The following POLH variants were observed in gnomAD, a reference collection of about 807,000 sequenced individuals.
POLH encodes DNA polymerase eta transcript.
Under a neutral mutation model 73.6 loss-of-function variants are expected in POLH, and 53 were observed. That is an observed-to-expected ratio of 0.72 (90% CI 0.58 to 0.91). POLH has a LOEUF of 0.91. POLH is among the 40% of genes least tolerant of loss of function. POLH has a pLI of 0.00. For missense variants in POLH, 768 were observed against 865.4 expected, an observed-to-expected ratio of 0.89 and a Z score of 1.41; for synonymous variants, 292 against 308.5, an observed-to-expected ratio of 0.95 and a Z score of 0.56.
rs1768569653 is a variant in POLH, at chr6:43,619,438, A to G, written c.*4881A>G. On this transcript the variant is annotated 3_prime_UTR_variant, in exon 11 of 11. Coordinates refer to ENST00000372236, the MANE Select transcript of POLH (RefSeq NM_006502.3). ...CGTGGCCTTTTCCCCCTAACTAGCT[A>G]TGTAGCTTCTTAAAGGCAAAGATTC... Among the ~76,000 whole-genome samples, 1 of 149,964 alleles carries G rather than the reference A, an allele frequency of 6.7e-6. No individual in the cohort carries two copies. The highest frequency in any genetic ancestry group is 1.5e-5 in the Non-Finnish European group (1 of 67,706).
chr6:43,608,249 T>G (rs1440671653), intron 9 of POLH, among the ~76,000 whole-genome samples: 2 of 152,238 alleles, frequency 1.3e-5, no homozygotes, highest in African/African-American at 4.8e-5. Flanking sequence ...TTTCTCCCAT[T>G]CTGTGGGTTT....
chr6:43,613,686 T>C lies in POLH; in HGVS notation c.1271T>C (p.Leu424Pro), dbSNP rs770722473. Residue 424 changes from leucine to proline, a missense_variant, in exon 11 of 11, where the codon CTC becomes CCC. Coordinates refer to ENST00000372236, the MANE Select transcript of POLH (RefSeq NM_006502.3). The part of the protein sequence containing the change: ...EWSPPLTMLF[L>P]CATKFSASAP... Reference sequence around the variant, plus strand: ...TCTCCTCCTCTCACAATGCTTTTCCTCTGTGCTACAAAATTTTCTGCCTCT... The same window carrying C: ...TCTCCTCCTCTCACAATGCTTTTCCCCTGTGCTACAAAATTTTCTGCCTCT... The C allele has an allele frequency of 6.2e-7, 1 of 1,613,906 alleles. No individual in the cohort carries two copies. Among genetic ancestry groups the C allele is most frequent in the African/African-American group, 1.3e-5 (1 of 74,932 alleles).
intron 6 of POLH, among the ~76,000 whole-genome samples, chr6:43,602,995 C>T (rs1205072367): frequency 4.4e-5 from 5 of 114,028 alleles, no homozygotes; most frequent in African/African-American, 1.6e-4. Flanking sequence ...TTATGTATTC[C>T]TTTTTTTTTT....
rs766019609 is a variant in POLH at position 43,587,419 on chromosome 6, C to T, written c.420C>T (p.Asp140=). 6.2e-7 allele frequency: 1 copy of T among 1,614,226 alleles called. No individual in the cohort carries two copies. Among genetic ancestry groups the T allele is most frequent in the South Asian group, 1.1e-5 (1 of 91,086 alleles). ...TACAAGGTCAGCCTATCTCGGCAGA[C>T]TTGTTGCCAAGCACTTACATTGAAG... ...QKLQGQPISA[D]LLPSTYIEGL... is the part of the protein sequence containing the mutation. Residue 140 remains aspartate (D), a synonymous_variant, in exon 4 of 11, where the codon GAC becomes GAT. Transcript: ENST00000372236.
In POLH at chr6:43,613,695, CA is replaced by C. The variant is rs1561914719; in HGVS notation, c.1284del (p.Lys428AsnfsTer17). Reference sequence around the variant, plus strand: ...CTCACAATGCTTTTCCTCTGTGCTACAAAATTTTCTGCCTCTGCCCCTTCAT... The same window carrying C: ...CTCACAATGCTTTTCCTCTGTGCTACAAATTTTCTGCCTCTGCCCCTTCAT... ...PPLTMLFLCA[T>X]KFSASAPSSS... On this transcript the variant is annotated frameshift_variant, in exon 11 of 11. Coordinates refer to ENST00000372236, the MANE Select transcript of POLH (RefSeq NM_006502.3). LOFTEE classifies it high-confidence loss of function. 1 of 1,614,006 alleles carries C rather than the reference CA, an allele frequency of 6.2e-7. No homozygotes were observed. Among genetic ancestry groups the C allele is most frequent in the Non-Finnish European group, 8.5e-7 (1 of 1,179,978 alleles).
At chr6:43,600,804 G>A (rs1766655951) in intron 5 of POLH, among the ~76,000 whole-genome samples, 184 bp from the exon 6 acceptor site, 1 of 152,182 alleles carries the variant, frequency 6.6e-6, no homozygotes, top group Non-Finnish European at 1.5e-5. Flanking sequence ...TTTCCCACTG[G>A]GGATGTTGTG....
At chr6:43,580,478 A>ATTG in intron 1 of POLH, among the ~76,000 whole-genome samples, 1 of 147,992 alleles carries the variant, frequency 6.8e-6, no homozygotes, top group African/African-American at 2.5e-5. Context: ...ACTTCCCAGT[A>ATTG]GGGGCGGCCG....
chr6:43,598,460 C>T (rs985145200), intron 5 of POLH, among the ~76,000 whole-genome samples: 3 of 150,648 alleles, frequency 2.0e-5, no homozygotes, highest in Admixed American at 1.3e-4. Context: ...AACACCATCT[C>T]TACTAAAAAT....
intron 4 of POLH, among the ~76,000 whole-genome samples, chr6:43,587,868 A>T (rs1415775038): frequency 6.6e-6 from 1 of 152,142 alleles, no homozygotes; most frequent in Non-Finnish European, 1.5e-5. Context: ...CTCTACTAAA[A>T]ATACAAAAAT....
Position 43,580,891 on chromosome 6 carries a change from G to T in POLH, c.-4-1425G>T, listed in dbSNP as rs1315405076. ...GACGGGGCGGCTGGCCGGGCGGAGG[G>T]CTGACCCCCCCACCTCCCTCCCGGA... On this transcript the variant is annotated intron_variant, in intron 1 of 10. Coordinates refer to ENST00000372236, the MANE Select transcript of POLH (RefSeq NM_006502.3). 4.6e-5 allele frequency among the ~76,000 whole-genome samples: 7 copies of T among 150,816 alleles called. No individual in the cohort carries two copies. The East Asian group carries it at 1.4e-3, about 30-fold the overall frequency.
At chr6:43,587,902 C>G (rs556985905) in intron 4 of POLH, among the ~76,000 whole-genome samples, 83 of 152,176 alleles carry the variant, frequency 5.5e-4, no homozygotes, top group Non-Finnish European at 1.0e-3. Context: ...TGGCGCGTGC[C>G]TGTAATCCCA....
At chr6:43,605,155 A>G in intron 8 of POLH, 99 bp from the exon 9 acceptor site, 1 of 759,028 alleles carries the variant, frequency 1.3e-6, no homozygotes. Flanking sequence ...TTTGGTGCAC[A>G]ATTCTGTTTG....
intron 10 of POLH, among the ~76,000 whole-genome samples, chr6:43,612,410 A>G (rs141787754): frequency 0.025 from 3,788 of 149,970 alleles, 69 homozygotes; most frequent in Non-Finnish European, 0.036. Context: ...GCAGTGACGC[A>G]ATCTCGGCTC....
intron 10 of POLH, among the ~76,000 whole-genome samples, chr6:43,611,430 A>G (rs1458468317): frequency 6.6e-6 from 1 of 152,198 alleles, no homozygotes; most frequent in African/African-American, 2.4e-5. Context: ...ATTATACCAA[A>G]TGTCATATTC....
Position 43,604,627 on chromosome 6 carries a change from T to C in POLH, c.897T>C (p.Tyr299=), listed in dbSNP as rs190423114. 205 of 1,614,138 alleles carry C rather than the reference T, an allele frequency of 1.3e-4. No individual in the cohort carries two copies. In the East Asian group the frequency reaches 4.5e-3, roughly 36 times the overall value. ...CTGGTCTTATTAGGTCTTGGCTATA[T>C]GCCATGTGCCGAGGGATTGAACATG... The part of the protein sequence containing the change: ...HFGEKNGSWL[Y]AMCRGIEHDP... The change falls in exon 8 of 11, where the codon TAT becomes TAC. Residue 299 remains tyrosine, a synonymous_variant. Transcript: ENST00000372236.
At chr6:43,606,009 C>T (rs1419827884) in intron 9 of POLH, among the ~76,000 whole-genome samples, 3 of 152,166 alleles carry the variant, frequency 2.0e-5, no homozygotes, top group Non-Finnish European at 4.4e-5. Flanking sequence ...CAGACATAAG[C>T]CACCACGCCC....
At chr6:43,604,910 C>T (rs893247981) in intron 8 of POLH, among the ~76,000 whole-genome samples, 172 bp downstream of exon 8, 1 of 152,146 alleles carries the variant, frequency 6.6e-6, no homozygotes, top group Non-Finnish European at 1.5e-5. Context: ...ACTTTTTTCT[C>T]TTTCGTCTAT....
chr6:43,582,947 A>T, intron 2 of POLH, 60 bp from the exon 3 acceptor site: 1 of 1,409,276 alleles, frequency 7.1e-7, no homozygotes, highest in Non-Finnish European at 1.0e-6. Flanking sequence ...GTTAAATGTT[A>T]CTTGTTTTTG....
intron 8 of POLH, 46 bp downstream of exon 8, chr6:43,604,784 A>G (rs749938642): frequency 2.5e-6 from 4 of 1,609,566 alleles, no homozygotes; most frequent in Non-Finnish European, 2.6e-6. Context: ...TAAAGGGGTC[A>G]GTGGGTAGGT....
Sources: gnomAD v4.1 joint callset for allele counts (sites outside exome capture counted in the v4.1 genomes callset) on GRCh38, gnomAD v4.1.1 for gene constraint, MANE v1.5 for transcripts, NCBI Gene and HGNC (gene_info 2026-07-23, HGNC 2026-07-21) for gene names.